TLE3: variants seen among roughly 807,000 people sequenced by gnomAD.
The protein encoded by TLE3 is TLE family member 3, transcriptional corepressor, also known as transducin-like enhancer protein 3.
Under a neutral mutation model 93.0 loss-of-function variants are expected in TLE3, and 14 were observed. That is an observed-to-expected ratio of 0.15 (90% CI 0.10 to 0.24). The LOEUF (loss-of-function observed/expected upper bound fraction) is 0.24. TLE3 is among the 10% of genes least tolerant of loss of function. TLE3 has a pLI of 1.00. For synonymous variants in TLE3, 451 were observed against 425.0 expected, an observed-to-expected ratio of 1.06 and a Z score of -0.75; for missense variants, 693 against 1,046.6, an observed-to-expected ratio of 0.66 and a Z score of 4.66.
At position 70,058,910 on chromosome 15, in the gene TLE3, T is replaced by C. The variant is rs1243966580; in HGVS notation, c.766-95A>G. ...GTGGGAAGAGAGAGGGCATGGGCGATGGGAAGACGAGCTTGGCTGAAAGAC... is the reference window on the plus strand; with the variant it reads ...GTGGGAAGAGAGAGGGCATGGGCGACGGGAAGACGAGCTTGGCTGAAAGAC... On this transcript the variant is annotated intron_variant, in intron 10 of 19. Coordinates refer to ENST00000451782, the MANE Select transcript of TLE3 (RefSeq NM_001105192.3). The surrounding 1 kb of genome is among the most constrained non-coding windows in gnomAD (Gnocchi z 4.1). The C allele has an allele frequency of 2.8e-6, 4 of 1,422,412 alleles. No individual in the cohort carries two copies. Among genetic ancestry groups the C allele is most frequent in the Non-Finnish European group, 3.7e-6 (4 of 1,086,340 alleles). 88.1% of individuals were successfully genotyped at this position (1,422,412 alleles called of 1,614,324 possible). A position where few individuals can be genotyped will look rare whatever the true frequency, so the allele number is the denominator to read the frequency against.
intron 9 of TLE3, among the ~76,000 whole-genome samples, 198 bp downstream of exon 9, chr15:70,060,332 G>A (rs1011816182): frequency 1.3e-5 from 2 of 152,100 alleles, no homozygotes; most frequent in South Asian, 2.1e-4. Flanking sequence ...ACAGTGGCTC[G>A]CATGCTCATA....
chr15:70,065,972 C>A, intron 7 of TLE3, 42 bp downstream of exon 7: 2 of 1,260,294 alleles, frequency 1.6e-6, no homozygotes, highest in Non-Finnish European at 1.2e-6. Context: ...CGCCCATGCC[C>A]ACCCCTGCCC....
Position 70,058,367 on chromosome 15 carries a change from G to T in TLE3, c.919-76C>A. On this transcript the variant is annotated intron_variant, in intron 11 of 19. Coordinates refer to ENST00000451782, the MANE Select transcript of TLE3 (RefSeq NM_001105192.3). This position sits in a 1 kb window ranked among gnomAD's most constrained non-coding sequence, Gnocchi z 4.1. ...TAGGAGCCGGGCACAACTGGTGCCG[G>T]TCCCAACGTGAAGCCCAGAGCCAGA... The T allele has an allele frequency of 6.6e-7, 1 of 1,526,580 alleles. No individual in the cohort carries two copies. Among genetic ancestry groups the T allele is most frequent in the Non-Finnish European group, 8.8e-7 (1 of 1,136,662 alleles). 94.6% of individuals were successfully genotyped at this position (1,526,580 alleles called of 1,614,324 possible). A position where few individuals can be genotyped will look rare whatever the true frequency, so the allele number is the denominator to read the frequency against.
At chr15:70,082,491 T>C (rs895366097) in intron 4 of TLE3, among the ~76,000 whole-genome samples, 3 of 152,198 alleles carry the variant, frequency 2.0e-5, no homozygotes, top group Non-Finnish European at 2.9e-5. Flanking sequence ...CTCCCGCTAC[T>C]GGAGGGGCTG....
At chr15:70,051,159 C>T (rs923643890) in intron 19 of TLE3, 19 of 401,468 alleles carry the variant, frequency 4.7e-5, no homozygotes, top group African/African-American at 2.1e-4. Context: ...CCCTTGCCCT[C>T]GGGGGTCAGA....
intron 12 of TLE3, chr15:70,057,935 G>T: frequency 2.6e-6 from 2 of 783,240 alleles, no homozygotes; most frequent in Non-Finnish European, 4.0e-6. Context: ...AACAGATTTT[G>T]GGAGCCCTGA....
chr15:70,065,916 T>C, intron 7 of TLE3, 98 bp downstream of exon 7: 1 of 1,345,534 alleles, frequency 7.4e-7, no homozygotes, highest in Non-Finnish European at 1.0e-6. Flanking sequence ...CTCCTGGTCT[T>C]AGGACGACAG....
At chr15:70,074,941 G>C (rs1364567464) in intron 5 of TLE3, among the ~76,000 whole-genome samples, 1 of 152,192 alleles carries the variant, frequency 6.6e-6, no homozygotes, top group African/African-American at 2.4e-5. Flanking sequence ...GATATTACAG[G>C]ATGATTATTA....
chr15:70,067,562 G>A (rs1317617651), intron 6 of TLE3, among the ~76,000 whole-genome samples: 1 of 152,208 alleles, frequency 6.6e-6, no homozygotes, highest in Non-Finnish European at 1.5e-5. Flanking sequence ...ATAGAGAATA[G>A]ATCTGAGAAG....
chr15:70,052,617 G>C, intron 17 of TLE3, 93 bp from the exon 18 acceptor site: 1 of 1,435,064 alleles, frequency 7.0e-7, no homozygotes. Context: ...GGTCCTCTGA[G>C]GCTCAGGGTC....
intron 12 of TLE3, 180 bp from the exon 13 acceptor site, chr15:70,057,838 A>G: frequency 1.3e-6 from 1 of 793,850 alleles, no homozygotes; most frequent in Non-Finnish European, 2.0e-6. Context: ...AGAGCTTGGC[A>G]GATGCACCCA....
At chr15:70,094,807 G>A (rs1353666275) in intron 3 of TLE3, 3 of 516,040 alleles carry the variant, frequency 5.8e-6, no homozygotes, top group South Asian at 2.8e-5. Context: ...AGGGGAGCTG[G>A]GCCTTCCCTC....
chr15:70,062,378 C>T (rs1472008483), intron 8 of TLE3, among the ~76,000 whole-genome samples: 1 of 152,162 alleles, frequency 6.6e-6, no homozygotes, highest in East Asian at 1.9e-4. Context: ...TGCAGGCGGG[C>T]GGGCAGGGGA....
Position 70,048,832 on chromosome 15 carries a change from C to G in TLE3, c.*1265G>C, listed in dbSNP as rs950123853. Reference sequence around the variant, plus strand: ...TGTGTCCCCCTCTCCCACCCCCCAACCCCCACTGCTCTGCCCAGGGTGGGG... The same window carrying G: ...TGTGTCCCCCTCTCCCACCCCCCAAGCCCCACTGCTCTGCCCAGGGTGGGG... On this transcript the variant is annotated 3_prime_UTR_variant, in exon 20 of 20. Coordinates refer to ENST00000451782, the MANE Select transcript of TLE3 (RefSeq NM_001105192.3). 11 of 152,174 alleles carry G rather than the reference C, an allele frequency of 7.2e-5. No individual in the cohort carries two copies. Among genetic ancestry groups the G allele is most frequent in the African/African-American group, 2.7e-4 (11 of 41,422 alleles). 9.4% of individuals were successfully genotyped at this position (152,174 alleles called of 1,614,324 possible). A position where few individuals can be genotyped will look rare whatever the true frequency, so the allele number is the denominator to read the frequency against.
At chr15:70,092,155 C>T (rs967496540) in intron 4 of TLE3, among the ~76,000 whole-genome samples, 9 of 152,254 alleles carry the variant, frequency 5.9e-5, no homozygotes, top group African/African-American at 2.2e-4. Flanking sequence ...AACTTGTTTG[C>T]TCAGGCCTAA....
In TLE3 at chr15:70,058,975, C is replaced by G. The variant is rs76536245; in HGVS notation, c.766-160G>C. Among the ~76,000 whole-genome samples the G allele has an allele frequency of 4.4e-4, 67 of 152,316 alleles. 2 individuals are homozygous for G. The East Asian group carries it at 0.013, about 29-fold the overall frequency. ...TGAGGAAAAACTAGCTCTTAACCAT[C>G]TGGTCTGACTGAGGCCTAGGGAGGG... On this transcript the variant is annotated intron_variant, in intron 10 of 19. Transcript: ENST00000451782. This position sits in a 1 kb window ranked among gnomAD's most constrained non-coding sequence, Gnocchi z 4.1.
intron 4 of TLE3, among the ~76,000 whole-genome samples, chr15:70,084,955 C>T (rs1163682464): frequency 1.3e-5 from 2 of 152,192 alleles, no homozygotes; most frequent in Non-Finnish European, 2.9e-5. Flanking sequence ...ATAACTGTAA[C>T]TGTACAATTT....
At chr15:70,071,947 G>A (rs1428088254) in intron 6 of TLE3, among the ~76,000 whole-genome samples, 2 of 152,198 alleles carry the variant, frequency 1.3e-5, no homozygotes, top group African/African-American at 2.4e-5. Context: ...AGAACGCCCT[G>A]ACTAGATTAG....
Position 70,058,610 on chromosome 15 carries a change from G to A in TLE3, c.918+53C>T. 1 of 1,526,198 alleles carries A rather than the reference G, an allele frequency of 6.6e-7. No individual in the cohort carries two copies. The highest frequency in any genetic ancestry group is 8.8e-7 in the Non-Finnish European group (1 of 1,136,738). 94.5% of individuals were successfully genotyped at this position (1,526,198 alleles called of 1,614,324 possible). ...CTGCCTGCCAATCGGCACCACCCCA[G>A]CTCCAGTCCCTGCCGCTCCCTTCCC... On this transcript the variant is annotated intron_variant, in intron 11 of 19. Coordinates refer to ENST00000451782, the MANE Select transcript of TLE3 (RefSeq NM_001105192.3). This position sits in a 1 kb window ranked among gnomAD's most constrained non-coding sequence, Gnocchi z 4.1.
Sources: allele counts gnomAD v4.1 joint callset (sites outside exome capture counted in the v4.1 genomes callset), GRCh38; gene constraint gnomAD v4.1.1; non-coding constraint Gnocchi (gnomAD v3.1); transcripts MANE v1.5; gene names NCBI Gene and HGNC (gene_info 2026-07-23, HGNC 2026-07-21).